CCDC170: variants seen among roughly 807,000 people sequenced by gnomAD.
CCDC170 encodes coiled-coil domain containing 170, also known as coiled-coil domain-containing protein 170.
In CCDC170, 69 loss-of-function variants were observed where a neutral mutation model predicts 72.6. The observed-to-expected ratio is 0.95, with a 90% CI of 0.78 to 1.16. The LOEUF (loss-of-function observed/expected upper bound fraction) is 1.16. Ranked by LOEUF, CCDC170 falls within the 50% of genes most tolerant of loss-of-function variation. The probability of loss-of-function intolerance (pLI) is 0.00; values close to 1 mark genes in which losing one functional copy is unlikely to be tolerated. For synonymous variants in CCDC170, 300 were observed against 303.9 expected, an observed-to-expected ratio of 0.99 and a Z score of 0.13; for missense variants, 852 against 832.5, an observed-to-expected ratio of 1.02 and a Z score of -0.29.
intron 4 of CCDC170, 147 bp from the exon 5 acceptor site, chr6:151,548,157 C>A (rs1297511080): frequency 8.0e-6 from 5 of 622,306 alleles, no homozygotes; most frequent in Non-Finnish European, 1.2e-5. Context: ...TTACAGGCTG[C>A]CTTTGAAAAT....
chr6:151,567,578 A>G (rs1358762985), intron 5 of CCDC170, among the ~76,000 whole-genome samples: 1 of 152,184 alleles, frequency 6.6e-6, no homozygotes, highest in African/African-American at 2.4e-5. Context: ...TCATCTGTCA[A>G]CAGTTCTATT....
intron 1 of CCDC170, among the ~76,000 whole-genome samples, chr6:151,533,158 A>G (rs1210915929): frequency 4.1e-5 from 6 of 146,156 alleles, no homozygotes; most frequent in Non-Finnish European, 3.0e-5. Context: ...GGTTCATGCC[A>G]TTCTCCTGCC....
intron 6 of CCDC170, among the ~76,000 whole-genome samples, chr6:151,581,592 G>A (rs1301554761): frequency 6.6e-6 from 1 of 152,150 alleles, no homozygotes; most frequent in East Asian, 1.9e-4. Flanking sequence ...CTCCTCTTAT[G>A]ATTTATGAAT....
intron 1 of CCDC170, among the ~76,000 whole-genome samples, chr6:151,522,298 T>C (rs1782331630): frequency 6.6e-6 from 1 of 152,220 alleles, no homozygotes; most frequent in Non-Finnish European, 1.5e-5. Context: ...TTATCTTACA[T>C]GTAAACAAGC....
At chr6:151,584,461 C>A (rs759068492) in intron 6 of CCDC170, among the ~76,000 whole-genome samples, 1 of 151,986 alleles carries the variant, frequency 6.6e-6, no homozygotes, top group African/African-American at 2.4e-5. Flanking sequence ...GAATTTCAAA[C>A]GGCATGAGAA....
intron 1 of CCDC170, among the ~76,000 whole-genome samples, chr6:151,495,398 A>G (rs1376231820): frequency 6.6e-6 from 1 of 151,862 alleles, no homozygotes; most frequent in Admixed American, 6.6e-5. Context: ...TTATTAATAT[A>G]TATTTTTTTT....
chr6:151,586,885 C>T (rs1776458721), intron 7 of CCDC170, among the ~76,000 whole-genome samples: 1 of 151,922 alleles, frequency 6.6e-6, no homozygotes, highest in South Asian at 2.1e-4. Context: ...CCTGGGTTCA[C>T]ACCATTCTCC....
chr6:151,497,254 G>A lies in CCDC170; in HGVS notation c.57+3069G>A, dbSNP rs369994555. Reference sequence around the variant, plus strand: ...AAAACACAAAAAGTACCCAGGCATGGCCTGTAGTCCTAGCTACTTGGGAGG... The same window carrying A: ...AAAACACAAAAAGTACCCAGGCATGACCTGTAGTCCTAGCTACTTGGGAGG... On this transcript the variant is annotated intron_variant, in intron 1 of 10. Transcript: ENST00000239374. Among the ~76,000 whole-genome samples, 287 of 152,284 alleles carry A rather than the reference G, an allele frequency of 1.9e-3. 2 individuals are homozygous for A. The highest frequency in any genetic ancestry group is 6.6e-3 in the African/African-American group (274 of 41,556).
chr6:151,591,785 G>A (rs1024114834), intron 7 of CCDC170, among the ~76,000 whole-genome samples: 3 of 152,034 alleles, frequency 2.0e-5, no homozygotes, highest in East Asian at 1.9e-4. Context: ...ATGAGCCACC[G>A]CACCTGGCCC....
chr6:151,548,890 TTTTG>T (rs1372648758), intron 5 of CCDC170, among the ~76,000 whole-genome samples: 3 of 118,270 alleles, frequency 2.5e-5, no homozygotes, highest in African/African-American at 7.9e-5. Context: ...CAGCTAGTTT[TTTTG>T]TTTGTTTGTT....
intron 1 of CCDC170, among the ~76,000 whole-genome samples, chr6:151,517,437 T>TTC (rs1782252163): frequency 7.4e-6 from 1 of 135,034 alleles, no homozygotes; most frequent in African/African-American, 2.6e-5. Flanking sequence ...TCTTCTTCTT[T>TTC]TTTTTTTTTT....
intron 5 of CCDC170, among the ~76,000 whole-genome samples, chr6:151,558,255 T>A (rs1253910329): frequency 9.0e-6 from 1 of 110,728 alleles, no homozygotes; most frequent in Non-Finnish European, 2.1e-5. Context: ...TTTTTTTTTT[T>A]AATGTTGACT....
At chr6:151,551,189 G>T (rs4870041) in intron 5 of CCDC170, among the ~76,000 whole-genome samples, 5 of 152,066 alleles carry the variant, frequency 3.3e-5, no homozygotes, top group African/African-American at 1.2e-4. Context: ...TACATAATAT[G>T]TATTTGTTAT....
chr6:151,511,173 A>G (rs957688160), intron 1 of CCDC170, among the ~76,000 whole-genome samples: 20 of 152,158 alleles, frequency 1.3e-4, no homozygotes, highest in Admixed American at 9.2e-4. Flanking sequence ...AAAACTCACT[A>G]ACTTTGCTTC....
At chr6:151,546,239 C>T (rs142684039) in intron 4 of CCDC170, among the ~76,000 whole-genome samples, 8 of 152,282 alleles carry the variant, frequency 5.3e-5, no homozygotes, top group Non-Finnish European at 4.4e-5. Flanking sequence ...CTGATGCTCT[C>T]ATGGGTGCTG....
At chr6:151,572,877 C>T (rs1340035988) in intron 5 of CCDC170, among the ~76,000 whole-genome samples, 1 of 151,926 alleles carries the variant, frequency 6.6e-6, no homozygotes, top group East Asian at 1.9e-4. Flanking sequence ...TGGTCTTGAA[C>T]TCCTGACCTT....
At chr6:151,598,826 C>T (rs1776662445) in intron 9 of CCDC170, among the ~76,000 whole-genome samples, 1 of 152,208 alleles carries the variant, frequency 6.6e-6, no homozygotes, top group South Asian at 2.1e-4. Flanking sequence ...AGTTTGTTTC[C>T]TGTATCCAAA....
At chr6:151,506,116 A>AG (rs1782062966) in intron 1 of CCDC170, among the ~76,000 whole-genome samples, 1 of 152,146 alleles carries the variant, frequency 6.6e-6, no homozygotes, top group African/African-American at 2.4e-5. Context: ...AAATAAATAG[A>AG]GAAATAAAAG....
At chr6:151,522,830 G>A (rs548545053) in intron 1 of CCDC170, among the ~76,000 whole-genome samples, 2 of 152,184 alleles carry the variant, frequency 1.3e-5, no homozygotes, top group African/African-American at 2.4e-5. Context: ...ATAGAAACAA[G>A]CATCGCACCT....
Sources: gnomAD v4.1 joint callset for allele counts (sites outside exome capture counted in the v4.1 genomes callset) on GRCh38, gnomAD v4.1.1 for gene constraint, MANE v1.5 for transcripts, NCBI Gene and HGNC (gene_info 2026-07-23, HGNC 2026-07-21) for gene names.